Variants in FHOD1 observed in about 807,000 individuals in gnomAD.
FHOD1 encodes the protein formin homology 2 domain containing 1, also known as FH1/FH2 domain-containing protein 1.
FHOD1 carries 89 observed loss-of-function variants against 111.6 expected under a neutral mutation model. The observed-to-expected ratio is 0.80, with a 90% confidence interval of 0.67 to 0.95. The LOEUF is 0.95. FHOD1 is among the 40% of genes least tolerant of loss of function. The pLI, the probability that FHOD1 is intolerant of heterozygous loss-of-function variation, is 0.00. For missense variants in FHOD1, 1,446 were observed against 1,554.2 expected, an observed-to-expected ratio of 0.93 and a Z score of 1.17; for synonymous variants, 618 against 639.0, an observed-to-expected ratio of 0.97 and a Z score of 0.50.
At chr16:67,234,545 T>C (rs2034411503) in intron 11 of FHOD1, 73 bp from the exon 12 acceptor site, 7 of 1,318,562 alleles carry the variant, frequency 5.3e-6, no homozygotes, top group Non-Finnish European at 7.4e-6. Context: ...GCTGAGCCCC[T>C]GGACACCACC....
At position 67,231,775 on chromosome 16, in the gene FHOD1, A is replaced by C. The variant is rs2034285800; in HGVS notation, c.2247T>G (p.Ile749Met). The C allele has an allele frequency of 1.2e-6, 2 of 1,613,592 alleles. No individual in the cohort carries two copies. The highest frequency in any genetic ancestry group is 4.5e-5 in the East Asian group (2 of 44,816). Residue 749 changes from isoleucine to methionine, a missense_variant, in exon 15 of 22, where the codon ATT becomes ATG. Around this residue, in one of 3 missense-constraint regions of FHOD1, gnomAD observed 1,085 missense variants for 1,108.8 expected, o/e 0.98. Transcript: ENST00000258201. The surrounding 1 kb of genome is among the most constrained non-coding windows in gnomAD (Gnocchi z 4.3). Reference sequence around the variant, plus strand: ...CAGGGTTGGCCAGCTGGGCTTCCTCAATCTTCTGCCGCTCTTCCTCCGTGG... The same window carrying C: ...CAGGGTTGGCCAGCTGGGCTTCCTCCATCTTCTGCCGCTCTTCCTCCGTGG... Reference protein sequence around the residue: ...MMPTEEERQKIEEAQLANPDI... With the variant: ...MMPTEEERQKMEEAQLANPDI...
Position 67,237,968 on chromosome 16 carries a change from C to A in FHOD1, c.642+66G>T. 6.5e-7 allele frequency: 1 copy of A among 1,548,108 alleles called. No homozygotes were observed. The highest frequency in any genetic ancestry group is 1.1e-5 in the South Asian group (1 of 88,696). ...CTCCCTTCCAGCTCACTTTGCAGAA[C>A]AGGAAACTGAGGCCCAGAGAGAAGC... On this transcript the variant is annotated intron_variant, in intron 6 of 21. Coordinates refer to ENST00000258201, the MANE Select transcript of FHOD1 (RefSeq NM_013241.3). This position sits in a 1 kb window ranked among gnomAD's most constrained non-coding sequence, Gnocchi z 5.6.
chr16:67,230,828 C>T (rs760457639), intron 17 of FHOD1, 37 bp from the exon 18 acceptor site: 3 of 1,542,512 alleles, frequency 1.9e-6, no homozygotes, highest in Non-Finnish European at 1.7e-6. Context: ...TGTCCCCCCA[C>T]ACCCTGTAGA....
In FHOD1 at chr16:67,237,130, C is replaced by T. The variant is rs1344813432; in HGVS notation, c.994-16G>A. 1.2e-6 allele frequency: 2 copies of T among 1,605,614 alleles called. No individual in the cohort carries two copies. Among genetic ancestry groups the T allele is most frequent in the Non-Finnish European group, 8.5e-7 (1 of 1,175,416 alleles). ...TCAGGGCGTTCTAGCAGAGGCGGAC[C>T]AGGATGTAAGAAAGTGGTTAACGTG... is the stretch of plus-strand genomic sequence containing the variant. On this transcript the variant is annotated splice_polypyrimidine_tract_variant and intron_variant, in intron 9 of 21. Transcript: ENST00000258201. This position sits in a 1 kb window ranked among gnomAD's most constrained non-coding sequence, Gnocchi z 5.6.
At chr16:67,244,607 C>T (rs897910864) in intron 1 of FHOD1, among the ~76,000 whole-genome samples, 2 of 152,090 alleles carry the variant, frequency 1.3e-5, no homozygotes, top group Admixed American at 6.5e-5. Context: ...GGGCTAGGCT[C>T]GGCCCAATGG....
Position 67,234,183 on chromosome 16 carries a change from GC to G in FHOD1, c.1519del (p.Ala507ProfsTer13), listed in dbSNP as rs1215673674. Reference sequence around the variant, plus strand: ...GGGCTCTGGTGCAAGGCTTCGCTGGGCCCGGAGCAGGACACAGGGGGCAGGG... The same window carrying G: ...GGGCTCTGGTGCAAGGCTTCGCTGGGCCGGAGCAGGACACAGGGGGCAGGG... Reference protein sequence around the residue: ...QSPAPCVLLRAQRSLAPEPKE... With the variant: ...QSPAPCVLLRXQRSLAPEPKE... On this transcript the variant is annotated frameshift_variant, in exon 13 of 22. Coordinates refer to ENST00000258201, the MANE Select transcript of FHOD1 (RefSeq NM_013241.3). LOFTEE classifies it high-confidence loss of function. The G allele has an allele frequency of 1.9e-6, 3 of 1,551,024 alleles. No individual in the cohort carries two copies. Among genetic ancestry groups the G allele is most frequent in the Non-Finnish European group, 2.6e-6 (3 of 1,146,542 alleles).
chr16:67,236,304 A>G, intron 11 of FHOD1: 1 of 1,171,950 alleles, frequency 8.5e-7, no homozygotes, highest in African/African-American at 1.6e-5. Flanking sequence ...AGTGGGCGGG[A>G]GACATGACAA....
chr16:67,229,572 C>A lies in FHOD1; in HGVS notation c.*64G>T, dbSNP rs150522467. On this transcript the variant is annotated 3_prime_UTR_variant, in exon 22 of 22. Transcript: ENST00000258201. ...GGGCCAGAATTCTGCTCTGGGCCCT[C>A]CTCACTCTGTCATCTCCTGCACTGC... 6.8e-7 allele frequency: 1 copy of A among 1,460,652 alleles called. No homozygotes were observed. The highest frequency in any genetic ancestry group is 1.4e-5 in the African/African-American group (1 of 71,988). The allele number at this position is 1,460,652 out of a possible 1,614,324, so 90.5% of individuals were successfully genotyped here.
At position 67,229,656 on chromosome 16, in the gene FHOD1, C is replaced by T; in HGVS notation, c.3475G>A (p.Gly1159Ser). 2 of 1,614,174 alleles carry T rather than the reference C, an allele frequency of 1.2e-6. No individual in the cohort carries two copies. Among genetic ancestry groups the T allele is most frequent in the Middle Eastern group, 1.6e-4 (1 of 6,062 alleles). The change falls in exon 22 of 22, where the codon GGT (glycine) becomes AGT (serine). Residue 1159 changes from glycine (G) to serine (S), a missense_variant. Physicochemically the swap from Gly to Ser is moderately conservative, Grantham distance 56. Around this residue, in one of 3 missense-constraint regions of FHOD1, gnomAD observed 1,085 missense variants for 1,108.8 expected, o/e 0.98. Coordinates refer to ENST00000258201, the MANE Select transcript of FHOD1 (RefSeq NM_013241.3). ...CACCTTCACACCTCCAGGCCAGGAC[C>T]CTTGCTTAGTCCCAGTGCCTGCACC... ...DLVQALGLSK[G>S]PGLEV is the part of the protein sequence containing the mutation.
chr16:67,247,211 T>G lies in FHOD1; in HGVS notation c.200A>C (p.Lys67Thr), dbSNP rs2034891120. The part of the protein sequence containing the change: ...AVHRLLGAPL[K>T]LEDCALQVSP... ...CAACCTTTCTCCGGCCTCCCTCACC[T>G]TGAGCGGCGCTCCCAGCAGGCGGTG... is the stretch of plus-strand genomic sequence containing the variant. Residue 67 changes from lysine to threonine, a missense_variant and splice_region_variant, in exon 1 of 22, where the codon AAG becomes ACG. Lys to Thr is a moderately conservative substitution (Grantham distance 78). Coordinates refer to ENST00000258201, the MANE Select transcript of FHOD1 (RefSeq NM_013241.3). The G allele has an allele frequency of 6.4e-7, 1 of 1,570,720 alleles. No individual in the cohort carries two copies. Among genetic ancestry groups the G allele is most frequent in the South Asian group, 1.2e-5 (1 of 86,634 alleles).
rs1314361832 is a variant in FHOD1 at position 67,231,344 on chromosome 16, G to A, written c.2511C>T (p.Ser837=). The A allele has an allele frequency of 6.2e-6, 10 of 1,613,954 alleles. No homozygotes were observed. The highest frequency in any genetic ancestry group is 2.2e-5 in the East Asian group (1 of 44,888). Residue 837 remains serine (S), a synonymous_variant, in exon 17 of 22, where the codon AGC becomes AGT. Transcript: ENST00000258201. This position sits in a 1 kb window ranked among gnomAD's most constrained non-coding sequence, Gnocchi z 4.3. ...VGNFLNGSQS[S]GFELSYLEKV... is the part of the protein sequence containing the mutation. Reference sequence around the variant, plus strand: ...TCTCCAGGTAGCTCAGCTCAAAGCCGCTGCTCTGAAAGGACCCTTTCTGAG... The same window carrying A: ...TCTCCAGGTAGCTCAGCTCAAAGCCACTGCTCTGAAAGGACCCTTTCTGAG...
intron 11 of FHOD1, chr16:67,236,159 G>C: frequency 1.8e-6 from 1 of 571,018 alleles, no homozygotes; most frequent in Non-Finnish European, 2.2e-6. Flanking sequence ...AGTGATATTG[G>C]GGTTCCTTCC....
In FHOD1 at chr16:67,234,384, T is replaced by A. The variant is rs1285298373; in HGVS notation, c.1408A>T (p.Met470Leu). The change falls in exon 12 of 22, where the codon ATG (methionine) becomes TTG (leucine). Residue 470 changes from methionine to leucine, a missense_variant. Met to Leu is a conservative substitution (Grantham distance 15). Transcript: ENST00000258201. ...GGGTGTCCACCCGCCTCATTGGGCA[T>A]GGCCCCGGCAAGTGTCTCTGCCCGG... ...QGRAETLAGA[M>L]PNEAGGHPDA... The A allele has an allele frequency of 6.2e-7, 1 of 1,610,754 alleles. No individual in the cohort carries two copies. Among genetic ancestry groups the A allele is most frequent in the East Asian group, 2.2e-5 (1 of 44,872 alleles).
At chr16:67,247,107 A>G in intron 1 of FHOD1, 103 bp downstream of exon 1, 3 of 1,306,472 alleles carry the variant, frequency 2.3e-6, no homozygotes, top group Non-Finnish European at 3.0e-6. Flanking sequence ...TTTCCGGAGA[A>G]GAACACTCGC....
chr16:67,243,158 CT>C (rs963707211), intron 1 of FHOD1, among the ~76,000 whole-genome samples: 2 of 151,984 alleles, frequency 1.3e-5, no homozygotes, highest in Non-Finnish European at 2.9e-5. Flanking sequence ...GGCTGAAGGG[CT>C]TTCATTTTAG....
chr16:67,247,422 C>T lies in FHOD1; in HGVS notation c.-12G>A. 1 of 1,611,464 alleles carries T rather than the reference C, an allele frequency of 6.2e-7. No homozygotes were observed. Among genetic ancestry groups the T allele is most frequent in the Admixed American group, 1.7e-5 (1 of 59,846 alleles). On this transcript the variant is annotated 5_prime_UTR_variant, in exon 1 of 22. Transcript: ENST00000258201. The stretch of plus-strand genomic sequence containing the variant: ...TCCCCGCCCGCCATGGCTCTGCGGC[C>T]GGCTCACGCAGCGCGCCTCCGAGTC...
Position 67,238,230 on chromosome 16 carries a change from G to A in FHOD1, c.519C>T (p.Asp173=), listed in dbSNP as rs1042914075. 9 of 1,614,104 alleles carry A rather than the reference G, an allele frequency of 5.6e-6. No individual in the cohort carries two copies. The highest frequency in any genetic ancestry group is 7.6e-6 in the Non-Finnish European group (9 of 1,180,050). The change falls in exon 5 of 22, where the codon GAC becomes GAT. Residue 173 remains aspartate, a synonymous_variant. Coordinates refer to ENST00000258201, the MANE Select transcript of FHOD1 (RefSeq NM_013241.3). The surrounding 1 kb of genome is among the most constrained non-coding windows in gnomAD (Gnocchi z 4.2). ...TAAGGATGTAGCTCTGGTAGTTGTG[G>A]TCGGCAGCAGCACCCACACGGATCA... ...SCLIRVGAAA[D]HNYQSYILRA...
Position 67,229,471 on chromosome 16 carries a change from CACAT to C in FHOD1, c.*161_*164del, listed in dbSNP as rs958184211. 20 of 659,114 alleles carry C rather than the reference CACAT, an allele frequency of 3.0e-5. No homozygotes were observed. Among genetic ancestry groups the C allele is most frequent in the East Asian group, 2.1e-4 (8 of 37,232 alleles). 40.8% of individuals were successfully genotyped at this position (659,114 alleles called of 1,614,324 possible). On this transcript the variant is annotated 3_prime_UTR_variant, in exon 22 of 22. Coordinates refer to ENST00000258201, the MANE Select transcript of FHOD1 (RefSeq NM_013241.3). ...GCACATGCATATGCATGCACACACA[CACAT>C]ACACACACACTCACATGCATACACA... is the stretch of plus-strand genomic sequence containing the variant.
At position 67,233,692 on chromosome 16, in the gene FHOD1, A is replaced by T. The variant is rs2142271829; in HGVS notation, c.2011T>A (p.Phe671Ile). ...SVDTARLEHL[F>I]ESRAKEVLPS... ...AGCACCTCTTTGGCACGAGACTCAA[A>T]GAGGTGTTCCAGTCGGGCCGTGTCC... is the stretch of plus-strand genomic sequence containing the variant. Residue 671 changes from phenylalanine (F) to isoleucine (I), a missense_variant, in exon 13 of 22, where the codon TTT becomes ATT. This residue lies in a region of FHOD1 where 1,085 missense variants were observed against 1,108.8 expected (regional missense o/e 0.98). Transcript: ENST00000258201. The T allele has an allele frequency of 6.2e-7, 1 of 1,605,812 alleles. No homozygotes were observed. Among genetic ancestry groups the T allele is most frequent in the East Asian group, 2.2e-5 (1 of 44,590 alleles).
Sources: allele counts gnomAD v4.1 joint callset (sites outside exome capture counted in the v4.1 genomes callset), GRCh38; gene constraint gnomAD v4.1.1; regional missense constraint gnomAD v4.1.1; non-coding constraint Gnocchi (gnomAD v3.1); transcripts MANE v1.5; gene names NCBI Gene and HGNC (gene_info 2026-07-23, HGNC 2026-07-21).